RAD51: variants seen among roughly 807,000 people sequenced by gnomAD.
RAD51 encodes RAD51 recombinase.
Under a neutral mutation model 41.5 loss-of-function variants are expected in RAD51, and 14 were observed. That is an observed-to-expected ratio of 0.34 (90% CI 0.22 to 0.53). The LOEUF (loss-of-function observed/expected upper bound fraction) is 0.53. RAD51 is among the 20% of genes least tolerant of loss of function. The pLI, the probability that RAD51 is intolerant of heterozygous loss-of-function variation, is 0.95. For synonymous variants in RAD51, 136 were observed against 148.6 expected (o/e 0.92, Z 0.62); for missense variants, 234 against 422.0 (o/e 0.55, Z 3.90).
At chr15:40,701,252 A>AG (rs747222946) in intron 3 of RAD51, 51 bp downstream of exon 3, 20 of 1,591,886 alleles carry the variant, frequency 1.3e-5, no homozygotes, top group Admixed American at 5.0e-5. Context: ...ATAGTACAAA[A>AG]GGGAATGTAG....
chr15:40,698,934 T>C, intron 2 of RAD51, 89 bp downstream of exon 2: 3 of 1,339,798 alleles, frequency 2.2e-6, no homozygotes, highest in Non-Finnish European at 3.2e-6. Flanking sequence ...AATATAGGTT[T>C]ACTACCAAGG....
intron 6 of RAD51, among the ~76,000 whole-genome samples, chr15:40,719,620 C>G (rs1896170409): frequency 1.3e-5 from 2 of 152,116 alleles, no homozygotes; most frequent in African/African-American, 4.8e-5. Flanking sequence ...ATCACGAGGT[C>G]AGGAGATCGA....
chr15:40,714,613 C>G (rs1567046222), intron 5 of RAD51, among the ~76,000 whole-genome samples: 1 of 152,052 alleles, frequency 6.6e-6, no homozygotes, highest in Non-Finnish European at 1.5e-5. Flanking sequence ...AGATCGTTGA[C>G]TTTTTTTAAA....
chr15:40,722,048 C>A (rs7172635), intron 6 of RAD51, among the ~76,000 whole-genome samples: 73 of 152,248 alleles, frequency 4.8e-4, no homozygotes, highest in African/African-American at 1.7e-3. Flanking sequence ...GTAGGAAATT[C>A]TGACACATGC....
Position 40,729,503 on chromosome 15 carries a change from A to G in RAD51, c.645-2A>G. ...GCTTCAGAGAATCCTTGTTTCCTGT[A>G]GGTATGCACTGCTTATTGTAGACAG... is the stretch of plus-strand genomic sequence containing the variant. On this transcript the variant is annotated splice_acceptor_variant, in intron 7 of 9. Transcript: ENST00000267868. LOFTEE classifies it high-confidence loss of function. The G allele has an allele frequency of 6.2e-7, 1 of 1,613,342 alleles. No individual in the cohort carries two copies. Among genetic ancestry groups the G allele is most frequent in the Non-Finnish European group, 8.5e-7 (1 of 1,179,576 alleles).
intron 6 of RAD51, among the ~76,000 whole-genome samples, chr15:40,720,913 G>C (rs918855627): frequency 6.6e-6 from 1 of 152,214 alleles, no homozygotes; most frequent in African/African-American, 2.4e-5. Context: ...CAGGTACTGT[G>C]GTGCACACCT....
intron 6 of RAD51, among the ~76,000 whole-genome samples, chr15:40,721,529 C>T (rs1052574951): frequency 1.3e-5 from 2 of 151,978 alleles, no homozygotes; most frequent in Non-Finnish European, 1.5e-5. Flanking sequence ...TTTACAAATA[C>T]ACGTGGTCTC....
In RAD51 at chr15:40,729,490, C is replaced by G. The variant is rs866960387; in HGVS notation, c.645-15C>G. On this transcript the variant is annotated splice_polypyrimidine_tract_variant and intron_variant, in intron 7 of 9. Coordinates refer to ENST00000267868, the MANE Select transcript of RAD51 (RefSeq NM_002875.5). ...AGGCTAGAAATAGGCTTCAGAGAATCCTTGTTTCCTGTAGGTATGCACTGC... is the reference window on the plus strand; with the variant it reads ...AGGCTAGAAATAGGCTTCAGAGAATGCTTGTTTCCTGTAGGTATGCACTGC... 6.2e-7 allele frequency: 1 copy of G among 1,611,650 alleles called. No individual in the cohort carries two copies.
At chr15:40,726,889 G>A (rs1347667338) in intron 6 of RAD51, among the ~76,000 whole-genome samples, 1 of 149,900 alleles carries the variant, frequency 6.7e-6, no homozygotes, top group Non-Finnish European at 1.5e-5. Flanking sequence ...CTCCAGCCTG[G>A]GCGACAGAGT....
intron 1 of RAD51, 94 bp from the exon 2 acceptor site, chr15:40,698,663 A>G (rs1894803102): frequency 8.1e-7 from 1 of 1,227,684 alleles, no homozygotes; most frequent in Non-Finnish European, 1.2e-6. Context: ...CTTTTCCTAA[A>G]GTCTTTTTGA....
intron 6 of RAD51, among the ~76,000 whole-genome samples, chr15:40,721,549 C>T (rs936757361): frequency 6.6e-6 from 1 of 152,012 alleles, no homozygotes; most frequent in African/African-American, 2.4e-5. Context: ...CGCTGTCTTG[C>T]CCTGGCTGGT....
At chr15:40,730,044 C>T in intron 9 of RAD51, 70 bp downstream of exon 9, 2 of 1,575,502 alleles carry the variant, frequency 1.3e-6, no homozygotes, top group Non-Finnish European at 1.7e-6. Flanking sequence ...GAAGATATAA[C>T]ATTTTCATTT....
Position 40,706,337 on chromosome 15 carries a change from A to G in RAD51, c.343+43A>G, listed in dbSNP as rs888986218. On this transcript the variant is annotated intron_variant, in intron 4 of 9. Coordinates refer to ENST00000267868, the MANE Select transcript of RAD51 (RefSeq NM_002875.5). The stretch of plus-strand genomic sequence containing the variant: ...CCTGTGTTGTGAACTCTAGTTAGGA[A>G]AGCTTCCAGGTTATAAAACAAAACT... The G allele has an allele frequency of 2.1e-5, 30 of 1,445,114 alleles. 1 individual carries two copies. In the East Asian group the frequency reaches 6.6e-4, roughly 32 times the overall value. 89.5% of individuals were successfully genotyped at this position (1,445,114 alleles called of 1,614,324 possible).
chr15:40,696,629 T>G (rs2141805756), intron 1 of RAD51, among the ~76,000 whole-genome samples: 1 of 152,312 alleles, frequency 6.6e-6, no homozygotes, highest in East Asian at 1.9e-4. Flanking sequence ...TGTGTAGTAT[T>G]TAATATTTTC....
chr15:40,721,533 T>C (rs1367808221), intron 6 of RAD51, among the ~76,000 whole-genome samples: 1 of 152,088 alleles, frequency 6.6e-6, no homozygotes, highest in Non-Finnish European at 1.5e-5. Context: ...CAAATACACG[T>C]GGTCTCGCTG....
intron 5 of RAD51, among the ~76,000 whole-genome samples, chr15:40,711,066 T>C (rs946047223): frequency 6.6e-6 from 1 of 152,186 alleles, no homozygotes; most frequent in African/African-American, 2.4e-5. Context: ...TAGCAAATAC[T>C]GGACTCAAAC....
intron 3 of RAD51, among the ~76,000 whole-genome samples, chr15:40,705,540 T>C (rs1010044099): frequency 3.9e-5 from 6 of 152,194 alleles, no homozygotes; most frequent in Non-Finnish European, 7.3e-5. Flanking sequence ...AGGTGTACTG[T>C]ATTGTCATTT....
intron 6 of RAD51, among the ~76,000 whole-genome samples, chr15:40,721,505 A>G (rs935072362): frequency 2.0e-5 from 3 of 152,070 alleles, no homozygotes; most frequent in Non-Finnish European, 2.9e-5. Context: ...CAATTTTTTT[A>G]AAATTTAAAA....
intron 5 of RAD51, among the ~76,000 whole-genome samples, chr15:40,717,333 C>T (rs969865814): frequency 6.6e-6 from 1 of 151,802 alleles, no homozygotes; most frequent in Non-Finnish European, 1.5e-5. Flanking sequence ...AGCGAAACTC[C>T]GTCTCAGAAA....
Sources: allele counts gnomAD v4.1 joint callset (sites outside exome capture counted in the v4.1 genomes callset), GRCh38; gene constraint gnomAD v4.1.1; transcripts MANE v1.5; gene names NCBI Gene and HGNC (gene_info 2026-07-23, HGNC 2026-07-21).